The following PRMT7 variants were observed in gnomAD, a reference collection of about 807,000 sequenced individuals.
The protein encoded by PRMT7 is protein arginine methyltransferase 7, also known as protein arginine N-methyltransferase 7.
In PRMT7, 75 loss-of-function variants were observed where a neutral mutation model predicts 85.4. The observed-to-expected ratio is 0.88, with a 90% CI of 0.73 to 1.06. The LOEUF (loss-of-function observed/expected upper bound fraction) is 1.06. Ranked by LOEUF, PRMT7 falls within the 50% of genes least tolerant of loss-of-function variation. PRMT7 has a pLI of 0.00. For synonymous variants in PRMT7, 397 were observed against 359.5 expected (o/e 1.10, Z -1.18); for missense variants, 868 against 915.2 (o/e 0.95, Z 0.67).
chr16:68,331,485 T>TTTTTA (rs2083897774), intron 6 of PRMT7, among the ~76,000 whole-genome samples: 1 of 150,364 alleles, frequency 6.7e-6, no homozygotes, highest in Admixed American at 6.6e-5. Flanking sequence ...TTTTTTTTTT[T>TTTTTA]GAGACAGGAT....
intron 7 of PRMT7, among the ~76,000 whole-genome samples, chr16:68,338,195 G>C (rs2084972154): frequency 6.6e-6 from 1 of 152,160 alleles, no homozygotes; most frequent in African/African-American, 2.4e-5. Flanking sequence ...GGGTTAAAAG[G>C]CTGTGGAATC....
At chr16:68,347,794 T>C (rs1272183339) in intron 13 of PRMT7, 116 bp downstream of exon 13, 1 of 919,614 alleles carries the variant, frequency 1.1e-6, no homozygotes, top group African/African-American at 1.6e-5. Context: ...CTTGCACCCC[T>C]GTGTTGTCTT....
At position 68,357,356 on chromosome 16, in the gene PRMT7, G is replaced by A. The variant is rs1486074239; in HGVS notation, c.*132G>A. The A allele has an allele frequency of 2.9e-5, 29 of 987,960 alleles. No homozygotes were observed. The highest frequency in any genetic ancestry group is 8.7e-5 in the Admixed American group (3 of 34,626). 61.2% of individuals were successfully genotyped at this position (987,960 alleles called of 1,614,324 possible). ...CCTCAGGGATGGGAAAGACTGCGCCGTGTTGCATCTTGTTGCATCTTTGCA... is the reference window on the plus strand; with the variant it reads ...CCTCAGGGATGGGAAAGACTGCGCCATGTTGCATCTTGTTGCATCTTTGCA... On this transcript the variant is annotated 3_prime_UTR_variant, in exon 19 of 19. Transcript: ENST00000441236.
chr16:68,344,933 T>TACACACACACACACACACACACATAC (rs2086106200), intron 9 of PRMT7, among the ~76,000 whole-genome samples: 7 of 131,130 alleles, frequency 5.3e-5, no homozygotes, highest in South Asian at 2.5e-4. Context: ...CCTGCATCTC[T>TACACACACACACACACACACACATAC]ACACACACAC....
intron 6 of PRMT7, among the ~76,000 whole-genome samples, chr16:68,336,261 A>T (rs1206300585): frequency 6.6e-6 from 1 of 152,246 alleles, no homozygotes; most frequent in Non-Finnish European, 1.5e-5. Flanking sequence ...ATTAAAAATT[A>T]TAATTGTAGA....
chr16:68,316,107 G>A, intron 3 of PRMT7, 33 bp downstream of exon 3: 1 of 1,582,610 alleles, frequency 6.3e-7, no homozygotes, highest in Non-Finnish European at 8.7e-7. Context: ...GCTGCAGCTG[G>A]GTGGGGCACT....
chr16:68,332,562 C>CA (rs1178572262), intron 6 of PRMT7, among the ~76,000 whole-genome samples: 2 of 152,202 alleles, frequency 1.3e-5, no homozygotes, highest in African/African-American at 4.8e-5. Flanking sequence ...ATCACTCATG[C>CA]AACCTTTGCT....
At chr16:68,349,787 G>A (rs756855131) in intron 14 of PRMT7, among the ~76,000 whole-genome samples, 4 of 152,134 alleles carry the variant, frequency 2.6e-5, no homozygotes, top group Non-Finnish European at 4.4e-5. Context: ...CCAGGAGGCT[G>A]AGGTGGGTGA....
chr16:68,357,368 G>A lies in PRMT7; in HGVS notation c.*144G>A. 2 of 886,262 alleles carry A rather than the reference G, an allele frequency of 2.3e-6. No homozygotes were observed. The highest frequency in any genetic ancestry group is 1.8e-5 in the South Asian group (1 of 55,850). 54.9% of individuals were successfully genotyped at this position (886,262 alleles called of 1,614,324 possible). On this transcript the variant is annotated 3_prime_UTR_variant, in exon 19 of 19. Transcript: ENST00000441236. ...GAAAGACTGCGCCGTGTTGCATCTTGTTGCATCTTTGCACTGCTGGCCTCT... is the reference window on the plus strand; with the variant it reads ...GAAAGACTGCGCCGTGTTGCATCTTATTGCATCTTTGCACTGCTGGCCTCT...
intron 17 of PRMT7, among the ~76,000 whole-genome samples, chr16:68,356,444 C>T (rs2088492866): frequency 6.6e-6 from 1 of 152,280 alleles, no homozygotes; most frequent in African/African-American, 2.4e-5. Context: ...CTCCCCCAGA[C>T]CCTGCAGCCA....
chr16:68,330,083 G>A (rs1394985356), intron 6 of PRMT7, among the ~76,000 whole-genome samples: 7 of 152,012 alleles, frequency 4.6e-5, no homozygotes, highest in Admixed American at 1.3e-4. Context: ...TAGCAGAGAC[G>A]GGGTTTCACC....
chr16:68,346,317 G>T (rs1353534798), intron 11 of PRMT7, 37 bp downstream of exon 11: 7 of 1,609,084 alleles, frequency 4.4e-6, no homozygotes, highest in Non-Finnish European at 6.0e-6. Flanking sequence ...GTGGGGAAAA[G>T]GGAGAAAGAA....
At chr16:68,316,374 T>G (rs2081855383) in intron 3 of PRMT7, among the ~76,000 whole-genome samples, 1 of 152,216 alleles carries the variant, frequency 6.6e-6, no homozygotes, top group African/African-American at 2.4e-5. Context: ...TTTACTTGCC[T>G]TACTGAAATG....
Position 68,357,377 on chromosome 16 carries a change from TTGCAC to T in PRMT7, c.*157_*161del. The T allele has an allele frequency of 1.2e-6, 1 of 802,358 alleles. No homozygotes were observed. Among genetic ancestry groups the T allele is most frequent in the Non-Finnish European group, 1.9e-6 (1 of 525,646 alleles). 49.7% of individuals were successfully genotyped at this position (802,358 alleles called of 1,614,324 possible). A position where few individuals can be genotyped will look rare whatever the true frequency, so the allele number is the denominator to read the frequency against. ...CGCCGTGTTGCATCTTGTTGCATCT[TTGCAC>T]TGCTGGCCTCTGGCTCCAGCTGTGG... On this transcript the variant is annotated 3_prime_UTR_variant, in exon 19 of 19. Coordinates refer to ENST00000441236, the MANE Select transcript of PRMT7 (RefSeq NM_019023.5).
intron 15 of PRMT7, 173 bp from the exon 16 acceptor site, chr16:68,353,319 C>A: frequency 7.2e-7 from 1 of 1,394,656 alleles, no homozygotes; most frequent in South Asian, 1.5e-5. Context: ...GGTTCCCGCC[C>A]AGCCCAGTCT....
intron 5 of PRMT7, among the ~76,000 whole-genome samples, chr16:68,326,301 C>T (rs1016720655): frequency 1.3e-5 from 2 of 151,810 alleles, no homozygotes; most frequent in African/African-American, 4.8e-5. Flanking sequence ...CTATCTTTTT[C>T]GTGGCGTGAT....
chr16:68,347,779 G>A, intron 13 of PRMT7, 101 bp downstream of exon 13: 2 of 1,099,100 alleles, frequency 1.8e-6, no homozygotes, highest in South Asian at 2.7e-5. Flanking sequence ...AGGAGTGGTG[G>A]CTCGCTTGCA....
chr16:68,339,417 C>T lies in PRMT7; in HGVS notation c.600C>T (p.His200=), dbSNP rs138720818. Residue 200 remains histidine, a synonymous_variant, in exon 8 of 19, where the codon CAC becomes CAT. Coordinates refer to ENST00000441236, the MANE Select transcript of PRMT7 (RefSeq NM_019023.5). ...MWSWNKLFPI[H]VQTSLGEQVI... ...CGTGGAACAAGCTATTTCCCATCCACGTGCAGACCAGCCTCGGAGAGCAGG... is the reference window on the plus strand; with the variant it reads ...CGTGGAACAAGCTATTTCCCATCCATGTGCAGACCAGCCTCGGAGAGCAGG... 1.8e-3 allele frequency: 2,963 copies of T among 1,614,210 alleles called. 47 individuals are homozygous for T. The African/African-American group carries it at 0.033, about 18-fold the overall frequency.
At chr16:68,351,198 G>GCAGC (rs2151889818) in intron 14 of PRMT7, among the ~76,000 whole-genome samples, 1 of 152,280 alleles carries the variant, frequency 6.6e-6, no homozygotes. Context: ...AGCACTCAGG[G>GCAGC]CAGCCCCTTC....
Sources: allele counts gnomAD v4.1 joint callset (sites outside exome capture counted in the v4.1 genomes callset), GRCh38; gene constraint gnomAD v4.1.1; transcripts MANE v1.5; gene names NCBI Gene and HGNC (gene_info 2026-07-23, HGNC 2026-07-21).